The following SAMD5 variants were observed in gnomAD, a reference collection of about 807,000 sequenced individuals.
The protein encoded by SAMD5 is sterile alpha motif domain containing 5.
Under a neutral mutation model 11.3 loss-of-function variants are expected in SAMD5, and 13 were observed. The observed-to-expected ratio is 1.15, with a 90% CI of 0.75 to 1.83. SAMD5 has a LOEUF of 1.83. Among genes scored for constraint, SAMD5 ranks in the 40% most tolerant of loss-of-function variants. The pLI is 0.00. For missense variants in SAMD5, 255 were observed against 239.1 expected, an observed-to-expected ratio of 1.07 and a Z score of -0.44; for synonymous variants, 129 against 111.3, an observed-to-expected ratio of 1.16 and a Z score of -1.00.
the SAMD5 span, among the ~76,000 whole-genome samples, chr6:147,880,384 C>T: frequency 6.6e-6 from 1 of 152,116 alleles, no homozygotes; most frequent in African/African-American, 2.4e-5. Flanking sequence ...GAGACACATA[C>T]ACACACAAAC....
chr6:147,940,417 G>A, the SAMD5 span, among the ~76,000 whole-genome samples: 18 of 152,096 alleles, frequency 1.2e-4, no homozygotes, highest in African/African-American at 3.9e-4. Flanking sequence ...ACCTTAAAGC[G>A]TGTTCATCAC....
the SAMD5 span, among the ~76,000 whole-genome samples, chr6:147,755,257 T>C: frequency 6.6e-6 from 1 of 152,134 alleles, no homozygotes; most frequent in African/African-American, 2.4e-5. Flanking sequence ...ATGGTTTTCA[T>C]TATAGAGATC....
chr6:147,724,038 A>T (rs78213097), intron 1 of SAMD5, among the ~76,000 whole-genome samples: 1 of 152,210 alleles, frequency 6.6e-6, no homozygotes, highest in East Asian at 1.9e-4. Flanking sequence ...CATGCAAAAA[A>T]TCCACAATCA....
chr6:147,839,579 G>A, the SAMD5 span, among the ~76,000 whole-genome samples: 1 of 152,014 alleles, frequency 6.6e-6, no homozygotes, highest in Non-Finnish European at 1.5e-5. Context: ...GCGAAACCCA[G>A]TCTCTACTAA....
intron 1 of SAMD5, among the ~76,000 whole-genome samples, chr6:147,723,409 A>G (rs1356842886): frequency 6.6e-6 from 1 of 152,180 alleles, no homozygotes; most frequent in Non-Finnish European, 1.5e-5. Flanking sequence ...TCTGCCATGG[A>G]ACAGGAGGAT....
At chr6:147,813,339 A>T in the SAMD5 span, among the ~76,000 whole-genome samples, 1 of 152,218 alleles carries the variant, frequency 6.6e-6, no homozygotes, top group Non-Finnish European at 1.5e-5. Flanking sequence ...TGAGACTGCA[A>T]ACAGTTTAAT....
At chr6:147,853,628 ATTTTT>A in the SAMD5 span, among the ~76,000 whole-genome samples, 1 of 149,396 alleles carries the variant, frequency 6.7e-6, no homozygotes, top group Admixed American at 6.7e-5. Context: ...AAGCATGAGA[ATTTTT>A]TTTTTTTTTA....
the SAMD5 span, among the ~76,000 whole-genome samples, chr6:147,844,353 A>G: frequency 2.0e-5 from 3 of 152,186 alleles, no homozygotes; most frequent in Admixed American, 1.3e-4. Flanking sequence ...AATGTTGTGG[A>G]GGATGTGGAG....
chr6:147,664,169 T>A (rs951989310), intron 1 of SAMD5, among the ~76,000 whole-genome samples: 8 of 152,140 alleles, frequency 5.3e-5, no homozygotes, highest in Non-Finnish European at 8.8e-5. Context: ...GGTGCTGGAT[T>A]TCCTTGACAA....
At chr6:147,851,059 A>G in the SAMD5 span, among the ~76,000 whole-genome samples, 4 of 148,458 alleles carry the variant, frequency 2.7e-5, no homozygotes, top group Non-Finnish European at 5.9e-5. Flanking sequence ...GGATTCTCCT[A>G]CCTCAGCCTC....
the SAMD5 span, among the ~76,000 whole-genome samples, chr6:147,790,732 ATC>A: frequency 9.4e-4 from 80 of 84,896 alleles, no homozygotes; most frequent in South Asian, 1.2e-3. Flanking sequence ...GAATTGGTCG[ATC>A]TCTCTCTCTC....
intron 1 of SAMD5, among the ~76,000 whole-genome samples, chr6:147,554,732 G>A (rs528865263): frequency 1.1e-4 from 16 of 152,270 alleles, no homozygotes; most frequent in African/African-American, 3.1e-4. Context: ...AATGTGGAGC[G>A]ATTGCTAGGA....
chr6:147,743,828 A>G, the SAMD5 span, among the ~76,000 whole-genome samples: 1 of 152,220 alleles, frequency 6.6e-6, no homozygotes, highest in African/African-American at 2.4e-5. Flanking sequence ...TTCATAACTG[A>G]ATGCTGGAGA....
chr6:147,561,347 C>T (rs1202049895), intron 1 of SAMD5, among the ~76,000 whole-genome samples: 3 of 152,100 alleles, frequency 2.0e-5, no homozygotes, highest in Non-Finnish European at 1.5e-5. Context: ...GCCACCACGC[C>T]CAGCTAATTT....
At chr6:147,615,350 C>T (rs955755634) in intron 1 of SAMD5, among the ~76,000 whole-genome samples, 1 of 152,008 alleles carries the variant, frequency 6.6e-6, no homozygotes, top group Non-Finnish European at 1.5e-5. Flanking sequence ...TTAAATTAGG[C>T]TATATTAATG....
At chr6:147,888,885 CAAAAA>C in the SAMD5 span, among the ~76,000 whole-genome samples, 1 of 134,760 alleles carries the variant, frequency 7.4e-6, no homozygotes, top group Non-Finnish European at 1.6e-5. Flanking sequence ...AACTCCATCT[CAAAAA>C]AAAAAAAAAA....
chr6:147,679,922 T>G (rs1790917495), intron 1 of SAMD5, among the ~76,000 whole-genome samples: 1 of 152,046 alleles, frequency 6.6e-6, no homozygotes, highest in South Asian at 2.1e-4. Flanking sequence ...CCATATATTG[T>G]GGTTCTATTT....
At chr6:147,604,209 C>CTT (rs5880717) in intron 1 of SAMD5, among the ~76,000 whole-genome samples, 4,253 of 148,418 alleles carry the variant, frequency 0.029, 92 homozygotes, top group African/African-American at 0.048. Context: ...AATGTACTAA[C>CTT]TTTTTTTTTT....
intron 1 of SAMD5, among the ~76,000 whole-genome samples, chr6:147,530,508 CTCCT>C (rs1180544979): frequency 6.6e-6 from 1 of 152,264 alleles, no homozygotes; most frequent in Non-Finnish European, 1.5e-5. Flanking sequence ...GGCCAACCAG[CTCCT>C]TCCTTCCCCT....
Sources: allele counts gnomAD v4.1 joint callset (sites outside exome capture counted in the v4.1 genomes callset), GRCh38; gene constraint gnomAD v4.1.1; transcripts MANE v1.5; gene names NCBI Gene and HGNC (gene_info 2026-07-23, HGNC 2026-07-21).